Variants in CHSY3 observed in about 807,000 individuals in gnomAD.
The protein encoded by CHSY3 is N-acetylgalactosaminyl-proteoglycan 3-beta-glucuronosyltransferase 3.
In CHSY3, 35 loss-of-function variants were observed where a neutral mutation model predicts 67.2. The observed-to-expected ratio is 0.52, with a 90% CI of 0.40 to 0.69. The LOEUF is 0.69. Among genes scored for constraint, CHSY3 ranks in the 30% least tolerant of loss-of-function variants. CHSY3 has a pLI of 0.00. For synonymous variants in CHSY3, 474 were observed against 434.7 expected, an observed-to-expected ratio of 1.09 and a Z score of -1.12; for missense variants, 1,069 against 1,138.5, an observed-to-expected ratio of 0.94 and a Z score of 0.88.
At chr5:130,136,590 T>A (rs1480831952) in intron 2 of CHSY3, among the ~76,000 whole-genome samples, 1 of 151,932 alleles carries the variant, frequency 6.6e-6, no homozygotes, top group Non-Finnish European at 1.5e-5. Context: ...GGAAAGAAAA[T>A]AATAGTTTAA....
intron 2 of CHSY3, among the ~76,000 whole-genome samples, chr5:130,053,913 T>C (rs1765445987): frequency 6.6e-6 from 1 of 152,136 alleles, no homozygotes; most frequent in Non-Finnish European, 1.5e-5. Context: ...TCATGAGATA[T>C]CAAGATATGT....
chr5:130,086,475 C>A (rs950405419), intron 2 of CHSY3, among the ~76,000 whole-genome samples: 30 of 151,984 alleles, frequency 2.0e-4, no homozygotes, highest in Admixed American at 3.9e-4. Context: ...AGATCTTCCT[C>A]CATCGTTTTA....
rs139641019 is a variant in CHSY3, at chr5:130,019,641, G to A, written c.1086+111281G>A. 8.9e-3 allele frequency among the ~76,000 whole-genome samples: 1,358 copies of A among 152,166 alleles called. 24 individuals are homozygous for A. Among genetic ancestry groups the A allele is most frequent in the African/African-American group, 0.031 (1,301 of 41,488 alleles). Reference sequence around the variant, plus strand: ...GCTTACCCCTCAAAATAACAACCTCGTTTATCTTTCCCTGGTAGAATGTCT... The same window carrying A: ...GCTTACCCCTCAAAATAACAACCTCATTTATCTTTCCCTGGTAGAATGTCT... On this transcript the variant is annotated intron_variant, in intron 2 of 2. Coordinates refer to ENST00000305031, the MANE Select transcript of CHSY3 (RefSeq NM_175856.5).
At chr5:129,951,074 A>C (rs947264883) in intron 2 of CHSY3, among the ~76,000 whole-genome samples, 2 of 152,202 alleles carry the variant, frequency 1.3e-5, no homozygotes, top group African/African-American at 4.8e-5. Flanking sequence ...ATAGAAAGCC[A>C]AGAAATGAAC....
At chr5:129,909,214 A>G (rs926815180) in intron 2 of CHSY3, among the ~76,000 whole-genome samples, 14 of 152,152 alleles carry the variant, frequency 9.2e-5, no homozygotes, top group East Asian at 3.8e-4. Context: ...AAATTTATTT[A>G]ACATTAAAAT....
intron 2 of CHSY3, among the ~76,000 whole-genome samples, chr5:130,005,613 T>C (rs1022099299): frequency 1.3e-5 from 2 of 152,180 alleles, no homozygotes; most frequent in East Asian, 3.8e-4. Context: ...AACTTGTTTC[T>C]TTTTAGTTGC....
At chr5:129,937,744 C>T (rs1334316761) in intron 2 of CHSY3, among the ~76,000 whole-genome samples, 1 of 152,156 alleles carries the variant, frequency 6.6e-6, no homozygotes, top group Non-Finnish European at 1.5e-5. Flanking sequence ...GGCTACAGGC[C>T]CCATGCAAGT....
chr5:130,163,607 A>G (rs956866868), intron 2 of CHSY3, among the ~76,000 whole-genome samples: 1 of 152,178 alleles, frequency 6.6e-6, no homozygotes, highest in Admixed American at 6.6e-5. Flanking sequence ...CATTAAAAGT[A>G]TGGTCATTTA....
At chr5:129,909,400 A>G (rs1760450711) in intron 2 of CHSY3, among the ~76,000 whole-genome samples, 1 of 152,058 alleles carries the variant, frequency 6.6e-6, no homozygotes, top group African/African-American at 2.4e-5. Context: ...CTGTGAAGTC[A>G]CCAAACACAC....
chr5:130,110,329 G>C (rs961022329), intron 2 of CHSY3, among the ~76,000 whole-genome samples: 2 of 151,816 alleles, frequency 1.3e-5, no homozygotes, highest in Non-Finnish European at 2.9e-5. Context: ...TAGATGCAAT[G>C]GTTAGCTAAA....
intron 2 of CHSY3, among the ~76,000 whole-genome samples, chr5:129,979,513 T>G (rs977363491): frequency 7.9e-5 from 12 of 152,170 alleles, no homozygotes; most frequent in African/African-American, 2.9e-4. Flanking sequence ...ATTTCCCATG[T>G]ATCTCCGACC....
intron 2 of CHSY3, among the ~76,000 whole-genome samples, chr5:130,072,407 T>C (rs1363426433): frequency 6.6e-6 from 1 of 152,150 alleles, no homozygotes; most frequent in Non-Finnish European, 1.5e-5. Flanking sequence ...CATCATTTAT[T>C]GAGGAGACTG....
chr5:129,930,441 G>A (rs1761262022), intron 2 of CHSY3, among the ~76,000 whole-genome samples: 1 of 141,514 alleles, frequency 7.1e-6, no homozygotes. Context: ...TCACATAGAA[G>A]CTAACATGGC....
chr5:130,157,424 T>G (rs1369854686), intron 2 of CHSY3, among the ~76,000 whole-genome samples: 1 of 152,200 alleles, frequency 6.6e-6, no homozygotes, highest in African/African-American at 2.4e-5. Context: ...GCAGCAGACC[T>G]AAGTGACCCA....
intron 2 of CHSY3, among the ~76,000 whole-genome samples, chr5:130,178,231 A>ATT (rs1770121973): frequency 5.4e-5 from 3 of 55,716 alleles, no homozygotes; most frequent in South Asian, 6.1e-4. Context: ...TTATATTTAT[A>ATT]TATATATATA....
At chr5:129,905,870 T>A in intron 1 of CHSY3, 1 of 885,918 alleles carries the variant, frequency 1.1e-6, no homozygotes, top group Non-Finnish European at 1.6e-6. Flanking sequence ...CTTCCTCACT[T>A]GCTGTTTTCG....
intron 2 of CHSY3, among the ~76,000 whole-genome samples, chr5:129,982,585 G>T (rs1452998566): frequency 1.3e-5 from 2 of 151,882 alleles, no homozygotes; most frequent in Non-Finnish European, 2.9e-5. Flanking sequence ...AAAGGGTAAA[G>T]AACAGGTACT....
At chr5:130,179,640 C>T in intron 2 of CHSY3, among the ~76,000 whole-genome samples, 1 of 152,038 alleles carries the variant, frequency 6.6e-6, no homozygotes, top group East Asian at 1.9e-4. Context: ...GCAAATTCTT[C>T]ATATGTTTTC....
At chr5:129,908,731 G>A (rs1760420470) in intron 2 of CHSY3, among the ~76,000 whole-genome samples, 1 of 152,062 alleles carries the variant, frequency 6.6e-6, no homozygotes, top group Admixed American at 6.6e-5. Context: ...ATTTGGTACT[G>A]TGCCTTTTTA....
Sources: gnomAD v4.1 joint callset for allele counts (sites outside exome capture counted in the v4.1 genomes callset) on GRCh38, gnomAD v4.1.1 for gene constraint, MANE v1.5 for transcripts, NCBI Gene and HGNC (gene_info 2026-07-23, HGNC 2026-07-21) for gene names.